Variants in SUCO observed in about 807,000 individuals in gnomAD.
The protein encoded by SUCO is SUN domain containing ossification factor.
In SUCO, 57 loss-of-function variants were observed where a neutral mutation model predicts 148.1. The observed-to-expected ratio is 0.38, with a 90% CI of 0.31 to 0.48. The LOEUF (loss-of-function observed/expected upper bound fraction) is 0.48, where lower values mean the gene tolerates loss of function less well. SUCO is among the 20% of genes least tolerant of loss of function. The pLI, the probability that SUCO is intolerant of heterozygous loss-of-function variation, is 0.96. For synonymous variants in SUCO, 470 were observed against 502.7 expected (o/e 0.93, Z 0.87); for missense variants, 1,331 against 1,468.2 (o/e 0.91, Z 1.53).
At chr1:172,565,553 G>A (rs1454903767) in intron 6 of SUCO, among the ~76,000 whole-genome samples, 1 of 152,052 alleles carries the variant, frequency 6.6e-6, no homozygotes, top group Non-Finnish European at 1.5e-5. Flanking sequence ...CAGCCAACGA[G>A]GGTCCCTTCA....
At chr1:172,606,137 ATAT>A (rs2149273300) in intron 22 of SUCO, among the ~76,000 whole-genome samples, 1 of 151,670 alleles carries the variant, frequency 6.6e-6, no homozygotes, top group South Asian at 2.1e-4. Context: ...TGTATTGTAT[ATAT>A]TATTTCTACA....
At chr1:172,533,634 T>C in intron 1 of SUCO, 137 bp downstream of exon 1, 1 of 1,114,090 alleles carries the variant, frequency 9.0e-7, no homozygotes, top group East Asian at 2.6e-5. Context: ...AACCGATTAC[T>C]TCTCGACTCT....
intron 17 of SUCO, among the ~76,000 whole-genome samples, chr1:172,586,804 A>G (rs919787599): frequency 1.3e-5 from 2 of 152,150 alleles, no homozygotes; most frequent in African/African-American, 4.8e-5. Context: ...TGATATTTTG[A>G]TGCTTTGAAA....
chr1:172,585,913 A>G lies in SUCO; in HGVS notation c.1623A>G (p.Glu541=), dbSNP rs781346694. 11 of 1,611,244 alleles carry G rather than the reference A, an allele frequency of 6.8e-6. No homozygotes were observed. In the African/African-American group the frequency reaches 1.2e-4, roughly 18 times the overall value. ...CCACAGCTGCACCTAAAATGCCTGA[A>G]TCAACTCCTGTTTCAACTCCTGTTC... ...ATATAAPKMP[E]STPVSTPVPS... The change falls in exon 17 of 24, where the codon GAA becomes GAG. Residue 541 remains glutamate (E), a synonymous_variant. Transcript: ENST00000263688.
At chr1:172,557,452 T>C (rs765302682) in intron 5 of SUCO, 35 bp downstream of exon 5, 1 of 1,612,736 alleles carries the variant, frequency 6.2e-7, no homozygotes, top group Admixed American at 1.7e-5. Context: ...TTCTTATGAT[T>C]CTGTAATAAC....
chr1:172,556,902 C>T (rs1013089451), intron 4 of SUCO: 22 of 944,316 alleles, frequency 2.3e-5, no homozygotes, highest in African/African-American at 1.1e-4. Flanking sequence ...ATTTTAAAAA[C>T]GAAATTCTAA....
chr1:172,550,155 A>G (rs1173041181), intron 1 of SUCO, among the ~76,000 whole-genome samples: 1 of 151,898 alleles, frequency 6.6e-6, no homozygotes, highest in Non-Finnish European at 1.5e-5. Context: ...CTGTAGTTTC[A>G]TATAGATCTA....
chr1:172,577,925 C>G, intron 13 of SUCO, 106 bp downstream of exon 13: 1 of 777,832 alleles, frequency 1.3e-6, no homozygotes, highest in Admixed American at 3.2e-5. Context: ...TGAGTTAATA[C>G]CATAGAAATA....
intron 1 of SUCO, among the ~76,000 whole-genome samples, chr1:172,535,925 A>G (rs1651980376): frequency 6.6e-6 from 1 of 152,136 alleles, no homozygotes; most frequent in African/African-American, 2.4e-5. Flanking sequence ...CATTTCATCT[A>G]TGTCATTATT....
At chr1:172,609,290 TC>T (rs1658061381) in intron 23 of SUCO, 16 of 985,072 alleles carry the variant, frequency 1.6e-5, no homozygotes, top group Non-Finnish European at 1.8e-5. Flanking sequence ...CTTTGCTTTT[TC>T]ATTTTGCCTT....
chr1:172,569,345 C>G (rs1654777700), intron 7 of SUCO: 2 of 945,980 alleles, frequency 2.1e-6, no homozygotes, highest in South Asian at 4.9e-5. Context: ...TAATTAAAAT[C>G]CATTCTTGTA....
intron 1 of SUCO, among the ~76,000 whole-genome samples, chr1:172,546,467 A>ACT (rs1483271799): frequency 2.0e-5 from 3 of 152,240 alleles, no homozygotes; most frequent in Non-Finnish European, 2.9e-5. Flanking sequence ...GTTCTGATTA[A>ACT]CTACTTCATG....
chr1:172,554,153 T>C (rs1203301633), intron 3 of SUCO, among the ~76,000 whole-genome samples: 5 of 152,238 alleles, frequency 3.3e-5, no homozygotes, highest in South Asian at 2.1e-4. Flanking sequence ...TATAACTTAC[T>C]GAGTTATCTA....
intron 6 of SUCO, among the ~76,000 whole-genome samples, chr1:172,560,222 T>C (rs1233479041): frequency 6.6e-6 from 1 of 152,216 alleles, no homozygotes; most frequent in East Asian, 1.9e-4. Flanking sequence ...CAAGACAGCC[T>C]TCAAAGGTCC....
At chr1:172,600,784 T>C (rs1657459455) in intron 20 of SUCO, among the ~76,000 whole-genome samples, 1 of 151,928 alleles carries the variant, frequency 6.6e-6, no homozygotes, top group African/African-American at 2.4e-5. Flanking sequence ...TTGGAAGGCT[T>C]ATCTGAGGAG....
rs1453470953 is a variant in SUCO at position 172,575,521 on chromosome 1, T to C, written c.1161T>C (p.Tyr387=). 1.9e-6 allele frequency: 3 copies of C among 1,602,354 alleles called. No homozygotes were observed. In the African/African-American group the frequency reaches 4.0e-5, roughly 21 times the overall value. The change falls in exon 11 of 24, where the codon TAT becomes TAC. Residue 387 remains tyrosine (Y), a synonymous_variant. Transcript: ENST00000263688. Reference sequence around the variant, plus strand: ...ACATATTGCTTATATTTTTTAGATATCCAACAAATAAGTGGATTAAGCTGG... The same window carrying C: ...ACATATTGCTTATATTTTTTAGATACCCAACAAATAAGTGGATTAAGCTGG... The part of the protein sequence containing the change: ...KDFLVSISDR[Y]PTNKWIKLGT...
chr1:172,537,249 A>G (rs561376293), intron 1 of SUCO, among the ~76,000 whole-genome samples: 80 of 152,302 alleles, frequency 5.3e-4, no homozygotes, highest in Non-Finnish European at 1.0e-3. Context: ...AGTGTATGTA[A>G]TTAATGCAAG....
At position 172,591,085 on chromosome 1, in the gene SUCO, T is replaced by C. The variant is rs952796083; in HGVS notation, c.2913+14T>C. 3.2e-6 allele frequency: 5 copies of C among 1,585,174 alleles called. No homozygotes were observed. The highest frequency in any genetic ancestry group is 2.7e-5 in the African/African-American group (2 of 73,862). ...GCAGAGGAGCAGGTTGGTTTCTACA[T>C]CCCTTATTTACTTTTTATATAAATT... On this transcript the variant is annotated intron_variant, in intron 19 of 23. Transcript: ENST00000263688.
intron 19 of SUCO, 67 bp from the exon 20 acceptor site, chr1:172,599,997 G>T: frequency 1.9e-6 from 2 of 1,062,932 alleles, no homozygotes; most frequent in South Asian, 1.7e-5. Context: ...TAGATTATTT[G>T]ACTTCAATTT....
Sources: allele counts gnomAD v4.1 joint callset (sites outside exome capture counted in the v4.1 genomes callset), GRCh38; gene constraint gnomAD v4.1.1; transcripts MANE v1.5; gene names NCBI Gene and HGNC (gene_info 2026-07-23, HGNC 2026-07-21).